The following BMP1 variants were observed in gnomAD, a reference collection of about 807,000 sequenced individuals.
The protein encoded by BMP1 is bone morphogenetic protein 1.
Under a neutral mutation model 116.8 loss-of-function variants are expected in BMP1, and 63 were observed. That is an observed-to-expected ratio of 0.54 (90% CI 0.44 to 0.67). BMP1 has a LOEUF of 0.67. Among genes scored for constraint, BMP1 ranks in the 30% least tolerant of loss-of-function variants. The pLI is 0.00. For missense variants in BMP1, 1,183 were observed against 1,358.9 expected (o/e 0.87, Z 2.04); for synonymous variants, 536 against 533.4 (o/e 1.00, Z -0.07).
rs775928083 is a variant in BMP1, at chr8:22,197,390, A to T, written c.2077A>T (p.Lys693Ter). 6.2e-7 allele frequency: 1 copy of T among 1,611,588 alleles called. No individual in the cohort carries two copies. Among genetic ancestry groups the T allele is most frequent in the Non-Finnish European group, 8.5e-7 (1 of 1,177,934 alleles). Residue 693 changes from lysine (K) to a stop codon, truncating the protein, a stop_gained, in exon 15 of 20, where the codon AAA (lysine) becomes TAA (stop). Transcript: ENST00000306385. LOFTEE classifies it high-confidence loss of function. Reference sequence around the variant, plus strand: ...GTTCAAGTCCGACAACACCGTGTCCAAAAAGGGCTTCAAGGCCCACTTCTT... The same window carrying T: ...GTTCAAGTCCGACAACACCGTGTCCTAAAAGGGCTTCAAGGCCCACTTCTT... The part of the protein sequence containing the change: ...VEFKSDNTVS[K>*]KGFKAHFFSD...
Position 22,176,202 on chromosome 8 carries a change from G to C in BMP1, c.322G>C (p.Ala108Pro), listed in dbSNP as rs760143425. 1.2e-6 allele frequency: 2 copies of C among 1,614,190 alleles called. No individual in the cohort carries two copies. Among genetic ancestry groups the C allele is most frequent in the South Asian group, 2.2e-5 (2 of 91,080 alleles). ...QSTNGQPQRG[A>P]CGRWRGRSRS... The stretch of plus-strand genomic sequence containing the variant: ...CACCAACGGGCAGCCTCAGAGGGGA[G>C]CCTGTGGGAGATGGAGAGGTAGATC... Residue 108 changes from alanine (A) to proline (P), a missense_variant, in exon 3 of 20, where the codon GCC (alanine) becomes CCC (proline). By Grantham distance (27) the Ala-to-Pro change is conservative. Transcript: ENST00000306385.
chr8:22,204,551 G>A (rs1265921252), intron 16 of BMP1, among the ~76,000 whole-genome samples: 4 of 151,948 alleles, frequency 2.6e-5, no homozygotes, highest in South Asian at 2.1e-4. Flanking sequence ...GGCAACACCC[G>A]TCTCCACTAA....
rs1476608967 is a variant in BMP1 at position 22,194,815 on chromosome 8, A to C, written c.1535A>C (p.Tyr512Ser). The change falls in exon 12 of 20, where the codon TAT becomes TCT. Residue 512 changes from tyrosine (Y) to serine (S), a missense_variant. Physicochemically the swap from Tyr to Ser is moderately radical, Grantham distance 144. Around this residue, in one of 4 missense-constraint regions of BMP1, gnomAD observed 956 missense variants for 1,135.2 expected, o/e 0.84. Transcript: ENST00000306385. The surrounding 1 kb of genome is among the most constrained non-coding windows in gnomAD (Gnocchi z 4.5). ...SSTLIGRYCGYEKPDDIKSTS... is the reference protein window; with the variant it reads ...SSTLIGRYCGSEKPDDIKSTS... ...ACCCTCATCGGGCGCTACTGTGGCTATGAGAAGCCTGATGACATCAAGAGC... is the reference window on the plus strand; with the variant it reads ...ACCCTCATCGGGCGCTACTGTGGCTCTGAGAAGCCTGATGACATCAAGAGC... The C allele has an allele frequency of 5.0e-6, 8 of 1,613,710 alleles. No homozygotes were observed. The highest frequency in any genetic ancestry group is 1.7e-4 in the Middle Eastern group (1 of 6,060).
chr8:22,176,716 C>G, intron 4 of BMP1, 66 bp downstream of exon 4: 2 of 1,520,344 alleles, frequency 1.3e-6, no homozygotes, highest in Admixed American at 3.4e-5. Context: ...GCCCTGGGCC[C>G]TGCCACTGCC....
intron 8 of BMP1, among the ~76,000 whole-genome samples, chr8:22,190,442 G>A (rs984268559): frequency 1.3e-5 from 2 of 152,284 alleles, no homozygotes; most frequent in Non-Finnish European, 2.9e-5. Flanking sequence ...GTTGAAAGTC[G>A]CAGTGATGAG....
chr8:22,165,609 C>A, intron 1 of BMP1, 56 bp downstream of exon 1: 2 of 1,454,970 alleles, frequency 1.4e-6, no homozygotes, highest in East Asian at 3.1e-5. Flanking sequence ...CGGGCGGGTT[C>A]GGGCTTGGGG....
chr8:22,187,779 T>C (rs1382279349), intron 8 of BMP1, among the ~76,000 whole-genome samples: 2 of 152,160 alleles, frequency 1.3e-5, no homozygotes, highest in African/African-American at 2.4e-5. Flanking sequence ...TTCATTCTAC[T>C]AGCAAAGTTA....
rs77017500 is a variant in BMP1, at chr8:22,174,535, T to C, written c.262+820T>C. ...AAGGGTGAAAGCTCCTCACTGCCAG[T>C]GCTGATGTTTGAGACATGGTCCTGA... On this transcript the variant is annotated intron_variant, in intron 2 of 19. Transcript: ENST00000306385. 5.3e-3 allele frequency among the ~76,000 whole-genome samples: 812 copies of C among 151,962 alleles called. 5 individuals are homozygous for C. The highest frequency in any genetic ancestry group is 0.017 in the African/African-American group (716 of 41,452).
Position 22,196,819 on chromosome 8 carries a change from C to T in BMP1, c.1905C>T (p.Phe635=). 1.2e-6 allele frequency: 2 copies of T among 1,613,932 alleles called. No homozygotes were observed. Among genetic ancestry groups the T allele is most frequent in the Non-Finnish European group, 1.7e-6 (2 of 1,179,920 alleles). ...TQYRISLQFD[F]FETEGNDVCK... ...ACCGCATCTCCCTGCAGTTTGACTT[C>T]TTTGAGACAGAGGGCAATGATGTAA... The change falls in exon 14 of 20, where the codon TTC becomes TTT. Residue 635 remains phenylalanine (F), a synonymous_variant. Coordinates refer to ENST00000306385, the MANE Select transcript of BMP1 (RefSeq NM_006129.5).
At chr8:22,202,790 C>T (rs62494054) in intron 16 of BMP1, among the ~76,000 whole-genome samples, 2,610 of 152,280 alleles carry the variant, frequency 0.017, 27 homozygotes, top group Non-Finnish European at 0.026. Context: ...GGGCAGATTG[C>T]GTCAGCCCAG....
At position 22,194,319 on chromosome 8, in the gene BMP1, G is replaced by A. The variant is rs951968008; in HGVS notation, c.1298-126G>A. 26 of 1,465,380 alleles carry A rather than the reference G, an allele frequency of 1.8e-5. No individual in the cohort carries two copies. The highest frequency in any genetic ancestry group is 2.4e-5 in the Non-Finnish European group (26 of 1,065,518). 90.8% of individuals were successfully genotyped at this position (1,465,380 alleles called of 1,614,324 possible). On this transcript the variant is annotated intron_variant, in intron 10 of 19. Transcript: ENST00000306385. This position sits in a 1 kb window ranked among gnomAD's most constrained non-coding sequence, Gnocchi z 4.5. The stretch of plus-strand genomic sequence containing the variant: ...AATGATGGGATTGCCTGGGACTGGG[G>A]GTTTGGTGGGGAACTGAAAAGCTGG...
intron 1 of BMP1, among the ~76,000 whole-genome samples, chr8:22,168,684 C>T (rs796307647): frequency 2.4e-4 from 36 of 152,238 alleles, no homozygotes; most frequent in African/African-American, 8.7e-4. Flanking sequence ...CCTCTGAGGT[C>T]GAGAAGTAAT....
At chr8:22,177,237 CG>C (rs1375287468) in intron 5 of BMP1, 98 bp downstream of exon 5, 2 of 1,301,372 alleles carry the variant, frequency 1.5e-6, no homozygotes, top group Non-Finnish European at 2.1e-6. Flanking sequence ...TCCAGCCAGC[CG>C]TCATCGCCTG....
At chr8:22,201,127 C>A in intron 15 of BMP1, 5 of 1,613,540 alleles carry the variant, frequency 3.1e-6, no homozygotes, top group Non-Finnish European at 4.2e-6. Context: ...GAAAAGAGGC[C>A]AGCTCTGCAG....
intron 8 of BMP1, among the ~76,000 whole-genome samples, chr8:22,188,318 G>A (rs766525006): frequency 4.0e-5 from 6 of 151,808 alleles, no homozygotes; most frequent in African/African-American, 4.8e-5. Flanking sequence ...ACTGGCATGC[G>A]CCATCATGCC....
intron 8 of BMP1, among the ~76,000 whole-genome samples, chr8:22,188,177 GTTT>G (rs759296888): frequency 1.6e-5 from 2 of 124,588 alleles, no homozygotes; most frequent in African/African-American, 3.3e-5. Flanking sequence ...CCAGTTTTGG[GTTT>G]TTTTTTTTTT....
chr8:22,210,462 T>TCA (rs1472007247), intron 19 of BMP1, among the ~76,000 whole-genome samples: 10 of 90,974 alleles, frequency 1.1e-4, no homozygotes, highest in Admixed American at 3.0e-4. Flanking sequence ...TCTCTCTCTC[T>TCA]CTCTCTCACA....
chr8:22,173,024 A>C (rs563609418), intron 1 of BMP1, among the ~76,000 whole-genome samples: 57 of 152,302 alleles, frequency 3.7e-4, no homozygotes, highest in African/African-American at 1.3e-3. Flanking sequence ...TCCCATTGCT[A>C]TCTGGAAGAC....
chr8:22,173,524 G>A, intron 1 of BMP1, 78 bp from the exon 2 acceptor site: 1 of 1,070,138 alleles, frequency 9.3e-7, no homozygotes, highest in Non-Finnish European at 1.3e-6. Flanking sequence ...GTGCCCACAG[G>A]GTTGGGGCTA....
Sources: allele counts gnomAD v4.1 joint callset (sites outside exome capture counted in the v4.1 genomes callset), GRCh38; gene constraint gnomAD v4.1.1; regional missense constraint gnomAD v4.1.1; non-coding constraint Gnocchi (gnomAD v3.1); transcripts MANE v1.5; gene names NCBI Gene and HGNC (gene_info 2026-07-23, HGNC 2026-07-21).